The following NOX4 variants were observed in gnomAD, a reference collection of about 807,000 sequenced individuals.
NOX4 encodes the protein NADPH oxidase 4.
NOX4 carries 69 observed loss-of-function variants against 87.6 expected under a neutral mutation model. The observed-to-expected ratio is 0.79, with a 90% CI of 0.65 to 0.96. The LOEUF (loss-of-function observed/expected upper bound fraction) is 0.96, where lower values mean the gene tolerates loss of function less well. NOX4 is among the 40% of genes least tolerant of loss of function. The pLI is 0.00. For synonymous variants in NOX4, 275 were observed against 238.2 expected, an observed-to-expected ratio of 1.15 and a Z score of -1.42; for missense variants, 680 against 681.5, an observed-to-expected ratio of 1.00 and a Z score of 0.02.
At chr11:89,488,311 T>C (rs541428892) in intron 2 of NOX4, among the ~76,000 whole-genome samples, 2 of 152,034 alleles carry the variant, frequency 1.3e-5, no homozygotes, top group South Asian at 4.2e-4. Context: ...TTGAGCCCTA[T>C]GTGTCAGCAG....
chr11:89,428,534 T>C (rs999697710), intron 7 of NOX4, among the ~76,000 whole-genome samples: 4 of 151,050 alleles, frequency 2.6e-5, no homozygotes, highest in African/African-American at 9.8e-5. Context: ...ACCAAGCAAA[T>C]GGAAAACAAA....
chr11:89,455,719 C>CATATATATATATATATAT (rs60864771), intron 2 of NOX4, among the ~76,000 whole-genome samples: 2 of 141,070 alleles, frequency 1.4e-5, no homozygotes, highest in Admixed American at 7.0e-5. Context: ...AAGATGAAGT[C>CATATATATATATATATAT]ATATATATAT....
At chr11:89,388,732 A>T (rs185817722) in intron 11 of NOX4, among the ~76,000 whole-genome samples, 14 of 152,296 alleles carry the variant, frequency 9.2e-5, no homozygotes, top group African/African-American at 2.9e-4. Flanking sequence ...GACTGTTTCT[A>T]CACCAATCTG....
intron 2 of NOX4, among the ~76,000 whole-genome samples, chr11:89,482,172 C>T (rs1893950): frequency 0.027 from 4,144 of 152,024 alleles, 136 homozygotes; most frequent in African/African-American, 0.089. Flanking sequence ...TAAGGAGGAA[C>T]ATTACAATAC....
chr11:89,437,137 C>A (rs2135332845), intron 6 of NOX4, among the ~76,000 whole-genome samples: 1 of 151,774 alleles, frequency 6.6e-6, no homozygotes, highest in East Asian at 2.0e-4. Context: ...CTGAGGCAAG[C>A]AGATCATGAG....
At chr11:89,349,807 G>T (rs1946379252) in intron 13 of NOX4, among the ~76,000 whole-genome samples, 1 of 152,078 alleles carries the variant, frequency 6.6e-6, no homozygotes, top group African/African-American at 2.4e-5. Context: ...TGTTTTGCTG[G>T]TTTAATTGCC....
At chr11:89,374,705 C>A (rs1436961249) in intron 11 of NOX4, among the ~76,000 whole-genome samples, 1 of 151,974 alleles carries the variant, frequency 6.6e-6, no homozygotes, top group African/African-American at 2.4e-5. Flanking sequence ...GTGAGAGTTG[C>A]ATAAGAAATC....
the NOX4 span, among the ~76,000 whole-genome samples, chr11:89,587,019 A>C: frequency 1.3e-5 from 2 of 152,156 alleles, no homozygotes; most frequent in Non-Finnish European, 2.9e-5. Flanking sequence ...TTTATGTCCT[A>C]GTGTACATAT....
chr11:89,381,859 T>C (rs1940313959), intron 11 of NOX4, among the ~76,000 whole-genome samples: 1 of 152,286 alleles, frequency 6.6e-6, no homozygotes, highest in South Asian at 2.1e-4. Context: ...TCTCTCACTA[T>C]CCTTCAACCT....
the NOX4 span, among the ~76,000 whole-genome samples, chr11:89,527,151 G>A: frequency 6.6e-6 from 1 of 152,184 alleles, no homozygotes; most frequent in Non-Finnish European, 1.5e-5. Flanking sequence ...TAGAACTTGA[G>A]AGAGATGATT....
At chr11:89,336,725 A>C (rs1201138252) in intron 16 of NOX4, among the ~76,000 whole-genome samples, 12 of 152,010 alleles carry the variant, frequency 7.9e-5, no homozygotes, top group Non-Finnish European at 1.2e-4. Context: ...TTACTTCGTG[A>C]GACTGGTAAA....
At chr11:89,589,127 C>T in the NOX4 span, among the ~76,000 whole-genome samples, 2 of 152,192 alleles carry the variant, frequency 1.3e-5, no homozygotes, top group Non-Finnish European at 2.9e-5. Context: ...GGAAATCTTT[C>T]TATTCCTAGC....
At chr11:89,393,701 T>C (rs1281299966) in intron 11 of NOX4, among the ~76,000 whole-genome samples, 1 of 152,164 alleles carries the variant, frequency 6.6e-6, no homozygotes, top group Non-Finnish European at 1.5e-5. Flanking sequence ...CATTATTTTA[T>C]AAACTAATAT....
the NOX4 span, among the ~76,000 whole-genome samples, chr11:89,511,004 T>C: frequency 6.6e-6 from 1 of 152,080 alleles, no homozygotes; most frequent in African/African-American, 2.4e-5. Context: ...TTTTCTGAAA[T>C]ATTTGTAATT....
At chr11:89,446,180 G>C (rs1296451766) in intron 4 of NOX4, among the ~76,000 whole-genome samples, 1 of 152,032 alleles carries the variant, frequency 6.6e-6, no homozygotes, top group Non-Finnish European at 1.5e-5. Flanking sequence ...GTACCTATTA[G>C]AATGACCAAA....
At chr11:89,503,458 G>A in the NOX4 span, among the ~76,000 whole-genome samples, 10 of 151,920 alleles carry the variant, frequency 6.6e-5, no homozygotes, top group South Asian at 2.1e-4. Flanking sequence ...ACTGCCATTC[G>A]TTCTACTATT....
chr11:89,438,821 T>C (rs1292961359), intron 6 of NOX4, among the ~76,000 whole-genome samples: 11 of 43,766 alleles, frequency 2.5e-4, no homozygotes, highest in Non-Finnish European at 3.2e-4. Context: ...ATATATATTA[T>C]ATAATATCTT....
chr11:89,431,068 G>T (rs866267023), intron 7 of NOX4, among the ~76,000 whole-genome samples: 5 of 152,142 alleles, frequency 3.3e-5, no homozygotes, highest in African/African-American at 1.2e-4. Context: ...ACAATCATCT[G>T]ATCTTTGACA....
chr11:89,428,457 G>T (rs1011706022), intron 7 of NOX4, among the ~76,000 whole-genome samples: 2 of 144,556 alleles, frequency 1.4e-5, no homozygotes, highest in Non-Finnish European at 3.0e-5. Flanking sequence ...TCAGTGTGCT[G>T]TATTCAGGAA....
Sources: gnomAD v4.1 joint callset for allele counts (sites outside exome capture counted in the v4.1 genomes callset) on GRCh38, gnomAD v4.1.1 for gene constraint, MANE v1.5 for transcripts, NCBI Gene and HGNC (gene_info 2026-07-23, HGNC 2026-07-21) for gene names.